Variants in NDUFA8 observed in about 807,000 individuals in gnomAD.
NDUFA8 encodes NADH dehydrogenase [ubiquinone] 1 alpha subcomplex subunit 8.
A neutral mutation model predicts 20.9 loss-of-function variants in NDUFA8; 16 were observed. The observed-to-expected ratio is 0.77, with a 90% CI of 0.52 to 1.16. The LOEUF is 1.16. Ranked by LOEUF, NDUFA8 falls within the 50% of genes most tolerant of loss-of-function variation. The probability of loss-of-function intolerance (pLI) is 0.00; values close to 1 mark genes in which losing one functional copy is unlikely to be tolerated. For missense variants in NDUFA8, 202 were observed against 216.4 expected, an observed-to-expected ratio of 0.93 and a Z score of 0.42; for synonymous variants, 70 against 76.1, an observed-to-expected ratio of 0.92 and a Z score of 0.41.
chr9:122,148,747 T>C (rs1041706932), intron 2 of NDUFA8, among the ~76,000 whole-genome samples: 1 of 152,066 alleles, frequency 6.6e-6, no homozygotes. Context: ...CAGAAGATCC[T>C]GGGATCATTC....
At position 122,148,202 on chromosome 9, in the gene NDUFA8, A is replaced by G; in HGVS notation, c.291T>C (p.Phe97=). The G allele has an allele frequency of 6.2e-7, 1 of 1,614,208 alleles. No homozygotes were observed. Residue 97 remains phenylalanine (F), a synonymous_variant, in exon 3 of 4, where the codon TTT becomes TTC. Coordinates refer to ENST00000373768, the MANE Select transcript of NDUFA8 (RefSeq NM_014222.3). ...TCIDYTGQQL[F]RHCRKQQAKF... ...TTGCCTGCTGTTTGCGACAGTGACG[A>G]AATAACTGCTGGCCAGTATAATCAA... is the stretch of plus-strand genomic sequence containing the variant.
At chr9:122,159,526 G>A (rs968887893) in intron 1 of NDUFA8, 101 bp downstream of exon 1, 5 of 1,444,230 alleles carry the variant, frequency 3.5e-6, no homozygotes, top group Admixed American at 1.7e-5. Flanking sequence ...CTGGGGAGGG[G>A]GGCCCGGGTC....
chr9:122,159,521 G>T, intron 1 of NDUFA8, 106 bp downstream of exon 1: 11 of 1,398,576 alleles, frequency 7.9e-6, no homozygotes, highest in Non-Finnish European at 1.1e-5. Flanking sequence ...GAGGACTGGG[G>T]AGGGGGGCCC....
At position 122,159,749 on chromosome 9, in the gene NDUFA8, G is replaced by T. The variant is rs970768339; in HGVS notation, c.-72C>A. 6.8e-6 allele frequency: 11 copies of T among 1,606,434 alleles called. No homozygotes were observed. Among genetic ancestry groups the T allele is most frequent in the African/African-American group, 6.7e-5 (5 of 74,790 alleles). ...CCCCGTCTCCTTGAACTCCCCTTTCGACCGCCGAGTGCCACACGGCGCCTG... is the reference window on the plus strand; with the variant it reads ...CCCCGTCTCCTTGAACTCCCCTTTCTACCGCCGAGTGCCACACGGCGCCTG... On this transcript the variant is annotated 5_prime_UTR_variant, in exon 1 of 4. Coordinates refer to ENST00000373768, the MANE Select transcript of NDUFA8 (RefSeq NM_014222.3).
At position 122,152,195 on chromosome 9, in the gene NDUFA8, T is replaced by A. The variant is rs1375098403; in HGVS notation, c.215+50A>T. ...ATTAGCTGGCTGTTCACTTATTCAT[T>A]TAAACCTTTATGCTTCAACCAAGTA... On this transcript the variant is annotated intron_variant, in intron 2 of 3. Transcript: ENST00000373768. 4.4e-6 allele frequency: 7 copies of A among 1,606,538 alleles called. No individual in the cohort carries two copies. In the African/African-American group the frequency reaches 9.4e-5, roughly 21 times the overall value.
the NDUFA8 span, among the ~76,000 whole-genome samples, chr9:122,138,223 A>G: frequency 1.3e-5 from 2 of 152,240 alleles, no homozygotes; most frequent in Non-Finnish European, 2.9e-5. Flanking sequence ...CAGAAAGGGT[A>G]TGCCTGCTTA....
At chr9:122,137,521 G>A in the NDUFA8 span, among the ~76,000 whole-genome samples, 3 of 152,140 alleles carry the variant, frequency 2.0e-5, no homozygotes, top group Non-Finnish European at 2.9e-5. Context: ...GATTACAGGC[G>A]TGAGCCACCG....
chr9:122,152,504 A>C (rs1829018858), intron 1 of NDUFA8, 96 bp from the exon 2 acceptor site: 1 of 1,169,424 alleles, frequency 8.6e-7, no homozygotes, highest in Non-Finnish European at 1.3e-6. Context: ...AGAACACAAA[A>C]GTAGCACTGT....
intron 1 of NDUFA8, 152 bp downstream of exon 1, chr9:122,159,475 G>A: frequency 1.1e-6 from 1 of 886,782 alleles, no homozygotes. Context: ...CAAAGCTGCG[G>A]AGGGGACCTC....
Position 122,148,277 on chromosome 9 carries a change from C to G in NDUFA8, c.216G>C (p.Arg72Ser). 2 of 1,614,040 alleles carry G rather than the reference C, an allele frequency of 1.2e-6. No homozygotes were observed. Among genetic ancestry groups the G allele is most frequent in the Non-Finnish European group, 1.7e-6 (2 of 1,179,988 alleles). ...LVNKCALDFF[R>S]QIKRHCAEPF... ...GCTCTGCACAGTGACGTTTTATCTGCCTGGAAAAGAAAGCTGGGTTAGGGG... is the reference window on the plus strand; with the variant it reads ...GCTCTGCACAGTGACGTTTTATCTGGCTGGAAAAGAAAGCTGGGTTAGGGG... Residue 72 changes from arginine (R) to serine (S), a missense_variant and splice_region_variant, in exon 3 of 4, where the codon AGG becomes AGC. Physicochemically the swap from Arg to Ser is moderately radical, Grantham distance 110 (BLOSUM62 -1). Coordinates refer to ENST00000373768, the MANE Select transcript of NDUFA8 (RefSeq NM_014222.3).
At chr9:122,159,516 C>T in intron 1 of NDUFA8, 111 bp downstream of exon 1, 1 of 1,363,574 alleles carries the variant, frequency 7.3e-7, no homozygotes, top group South Asian at 1.2e-5. Flanking sequence ...CGTTGGAGGA[C>T]TGGGGAGGGG....
At chr9:122,134,942 A>C in the NDUFA8 span, among the ~76,000 whole-genome samples, 7 of 152,214 alleles carry the variant, frequency 4.6e-5, no homozygotes, top group African/African-American at 1.7e-4. Flanking sequence ...ATCCTCCCCA[A>C]ATGCGGAGAG....
the NDUFA8 span, chr9:122,133,054 C>T: frequency 8.8e-6 from 4 of 455,868 alleles, no homozygotes; most frequent in Non-Finnish European, 1.8e-5. Flanking sequence ...TCCTCACAAC[C>T]ACTCTGCAAA....
intron 3 of NDUFA8, among the ~76,000 whole-genome samples, chr9:122,146,968 G>A (rs192553327): frequency 6.6e-6 from 1 of 152,302 alleles, no homozygotes; most frequent in East Asian, 1.9e-4. Flanking sequence ...AGCAGGGATG[G>A]GTCAGATCAT....
chr9:122,136,211 C>CACAG, the NDUFA8 span, among the ~76,000 whole-genome samples: 1 of 152,196 alleles, frequency 6.6e-6, no homozygotes, highest in Non-Finnish European at 1.5e-5. Context: ...CATCCTTGTA[C>CACAG]ACAGCTTAAC....
At chr9:122,156,967 A>G (rs1015207353) in intron 1 of NDUFA8, among the ~76,000 whole-genome samples, 1 of 152,130 alleles carries the variant, frequency 6.6e-6, no homozygotes, top group Admixed American at 6.5e-5. Flanking sequence ...CCTAAATGAC[A>G]ATTCTTATTT....
In NDUFA8 at chr9:122,159,739, C is replaced by T. The variant is rs994418808; in HGVS notation, c.-62G>A. ...GCCGCGTCGCCCCCGTCTCCTTGAA[C>T]TCCCCTTTCGACCGCCGAGTGCCAC... On this transcript the variant is annotated 5_prime_UTR_variant, in exon 1 of 4. Coordinates refer to ENST00000373768, the MANE Select transcript of NDUFA8 (RefSeq NM_014222.3). The T allele has an allele frequency of 7.5e-5, 121 of 1,611,686 alleles. No homozygotes were observed. The highest frequency in any genetic ancestry group is 1.0e-4 in the Non-Finnish European group (120 of 1,178,542).
the NDUFA8 span, among the ~76,000 whole-genome samples, chr9:122,134,961 C>G: frequency 2.6e-5 from 4 of 152,356 alleles, no homozygotes; most frequent in East Asian, 7.7e-4. Flanking sequence ...AGCTGCACAA[C>G]GGGTTCAAGC....
At chr9:122,150,430 A>C (rs1425349428) in intron 2 of NDUFA8, among the ~76,000 whole-genome samples, 2 of 151,046 alleles carry the variant, frequency 1.3e-5, no homozygotes, top group African/African-American at 4.9e-5. Context: ...AAAAAAAAAA[A>C]AAAAAAAGCA....
Sources: allele counts gnomAD v4.1 joint callset (sites outside exome capture counted in the v4.1 genomes callset), GRCh38; gene constraint gnomAD v4.1.1; transcripts MANE v1.5; gene names NCBI Gene and HGNC (gene_info 2026-07-23, HGNC 2026-07-21).